The following CCNT2 variants were observed in gnomAD, a reference collection of about 807,000 sequenced individuals.
CCNT2 encodes the protein cyclin T2, also known as cyclin-T2.
Under a neutral mutation model 70.0 loss-of-function variants are expected in CCNT2, and 18 were observed. The observed-to-expected ratio is 0.26, with a 90% confidence interval of 0.18 to 0.38. The LOEUF is 0.38. CCNT2 is among the 10% of genes least tolerant of loss of function. The pLI, the probability that CCNT2 is intolerant of heterozygous loss-of-function variation, is 1.00. For synonymous variants in CCNT2, 334 were observed against 313.3 expected, an observed-to-expected ratio of 1.07 and a Z score of -0.70; for missense variants, 734 against 890.2, an observed-to-expected ratio of 0.82 and a Z score of 2.23.
chr2:134,939,770 A>G lies in CCNT2; in HGVS notation c.430+708A>G, dbSNP rs115497773. ...TGTGCGTCACCACGCCCGGCCTATCATATGATTTTTAATGTGACATAGTAA... is the reference window on the plus strand; with the variant it reads ...TGTGCGTCACCACGCCCGGCCTATCGTATGATTTTTAATGTGACATAGTAA... On this transcript the variant is annotated intron_variant, in intron 4 of 8. Transcript: ENST00000264157. Among the ~76,000 whole-genome samples, 368 of 152,294 alleles carry G rather than the reference A, an allele frequency of 2.4e-3. 1 individual carries two copies. The highest frequency in any genetic ancestry group is 8.3e-3 in the African/African-American group (346 of 41,572).
chr2:134,946,214 C>T, intron 6 of CCNT2, 68 bp downstream of exon 6: 3 of 1,522,026 alleles, frequency 2.0e-6, no homozygotes, highest in Middle Eastern at 1.7e-4. Flanking sequence ...GCAGGGCCCC[C>T]TCAATGTGTC....
chr2:134,927,572 C>T (rs1394011335), intron 2 of CCNT2, among the ~76,000 whole-genome samples: 4 of 152,114 alleles, frequency 2.6e-5, no homozygotes, highest in Non-Finnish European at 5.9e-5. Context: ...TGAGTGTTTG[C>T]ATTGGCCAAG....
intron 5 of CCNT2, chr2:134,944,950 C>A (rs1681844393): frequency 1.0e-6 from 1 of 985,208 alleles, no homozygotes; most frequent in Non-Finnish European, 1.2e-6. Context: ...AATTTGATTT[C>A]TGTGAAGTCT....
intron 5 of CCNT2, chr2:134,945,770 T>TC (rs1681914888): frequency 8.5e-6 from 10 of 1,174,496 alleles, no homozygotes; most frequent in Non-Finnish European, 1.1e-5. Flanking sequence ...TTCTTCTTCT[T>TC]TTTTTTTTAA....
chr2:134,942,542 C>A, intron 4 of CCNT2, 70 bp from the exon 5 acceptor site: 3 of 993,624 alleles, frequency 3.0e-6, no homozygotes, highest in Non-Finnish European at 4.5e-6. Flanking sequence ...ATATATTATA[C>A]GTTTATGGCA....
chr2:134,953,706 T>C lies in CCNT2; in HGVS notation c.1251T>C (p.Ser417=). 6.2e-7 allele frequency: 1 copy of C among 1,614,002 alleles called. No homozygotes were observed. The highest frequency in any genetic ancestry group is 8.5e-7 in the Non-Finnish European group (1 of 1,179,888). The change falls in exon 9 of 9, where the codon AGT becomes AGC. Residue 417 remains serine, a synonymous_variant. Transcript: ENST00000264157. ...AATATACTCATAAAGCAGGGAGCAG[T>C]AAACACCATGGGCCAATTTCCACTA... is the stretch of plus-strand genomic sequence containing the variant. ...KQEYTHKAGS[S]KHHGPISTTP...
chr2:134,946,256 A>C, intron 6 of CCNT2, 110 bp downstream of exon 6: 1 of 1,356,766 alleles, frequency 7.4e-7, no homozygotes, highest in South Asian at 1.2e-5. Context: ...AGACTGGACC[A>C]TCTACTGTGG....
chr2:134,925,776 TCTTGGGCTTATA>T (rs1450891120), intron 2 of CCNT2, among the ~76,000 whole-genome samples: 1 of 152,066 alleles, frequency 6.6e-6, no homozygotes, highest in East Asian at 1.9e-4. Flanking sequence ...TTTTGGTTTC[TCTTGGGCTTATA>T]CCCAGGAGTA....
chr2:134,919,424 C>T (rs1312403010), intron 1 of CCNT2, among the ~76,000 whole-genome samples: 2 of 152,144 alleles, frequency 1.3e-5, no homozygotes, highest in African/African-American at 4.8e-5. Context: ...TCCCGGCTCT[C>T]GTCGCCGGCT....
intron 2 of CCNT2, among the ~76,000 whole-genome samples, chr2:134,924,095 C>T (rs1680108399): frequency 6.6e-6 from 1 of 152,132 alleles, no homozygotes; most frequent in Non-Finnish European, 1.5e-5. Context: ...TGTGCTCTGT[C>T]AGGTTTTAAG....
chr2:134,935,725 CA>C (rs1359940314), intron 2 of CCNT2, among the ~76,000 whole-genome samples: 1 of 152,004 alleles, frequency 6.6e-6, no homozygotes, highest in Non-Finnish European at 1.5e-5. Context: ...GGTACATATT[CA>C]AACTTCATGT....
intron 2 of CCNT2, among the ~76,000 whole-genome samples, chr2:134,934,723 G>A (rs1212668880): frequency 6.6e-6 from 1 of 152,204 alleles, no homozygotes; most frequent in Admixed American, 6.5e-5. Flanking sequence ...TTGGGAATTA[G>A]TGTTTAGCTG....
intron 2 of CCNT2, among the ~76,000 whole-genome samples, chr2:134,921,888 A>C (rs1679936677): frequency 6.6e-6 from 1 of 152,200 alleles, no homozygotes; most frequent in Non-Finnish European, 1.5e-5. Context: ...CAGCATTTTT[A>C]CGTAGAGTCA....
At chr2:134,927,987 A>T (rs1680420684) in intron 2 of CCNT2, among the ~76,000 whole-genome samples, 1 of 152,234 alleles carries the variant, frequency 6.6e-6, no homozygotes, top group African/African-American at 2.4e-5. Context: ...AAAGAAATGG[A>T]TGAGAACTGT....
chr2:134,936,142 G>A (rs1044976098), intron 2 of CCNT2, among the ~76,000 whole-genome samples: 3 of 141,442 alleles, frequency 2.1e-5, no homozygotes, highest in Non-Finnish European at 4.6e-5. Flanking sequence ...TACTTGATCC[G>A]CTTTTCATCT....
intron 2 of CCNT2, among the ~76,000 whole-genome samples, chr2:134,933,628 G>C (rs1246620749): frequency 6.6e-6 from 1 of 152,172 alleles, no homozygotes; most frequent in African/African-American, 2.4e-5. Flanking sequence ...TCAGTGTTTG[G>C]ATATGCTTGC....
At chr2:134,931,412 T>C (rs1186873865) in intron 2 of CCNT2, among the ~76,000 whole-genome samples, 2 of 151,978 alleles carry the variant, frequency 1.3e-5, no homozygotes, top group East Asian at 3.9e-4. Flanking sequence ...TTCTGGACTC[T>C]GGATTCTATT....
intron 2 of CCNT2, among the ~76,000 whole-genome samples, chr2:134,933,435 C>G (rs1459394699): frequency 6.6e-6 from 1 of 152,002 alleles, no homozygotes; most frequent in Non-Finnish European, 1.5e-5. Context: ...TGAAGAATAT[C>G]AGCAGTAAGG....
Position 134,954,528 on chromosome 2 carries a change from A to C in CCNT2, c.2073A>C (p.Pro691=), listed in dbSNP as rs752142950. ...LSTLVKLDKK[P]VETNGPDANH... is the part of the protein sequence containing the mutation. ...CCCTCGTGAAACTGGACAAGAAGCC[A>C]GTGGAGACCAACGGTCCTGATGCCA... The change falls in exon 9 of 9, where the codon CCA becomes CCC. Residue 691 remains proline (P), a synonymous_variant. Transcript: ENST00000264157. 1.1e-5 allele frequency: 18 copies of C among 1,614,164 alleles called. 1 individual carries two copies. The South Asian group carries it at 2.0e-4, about 18-fold the overall frequency.
Sources: allele counts gnomAD v4.1 joint callset (sites outside exome capture counted in the v4.1 genomes callset), GRCh38; gene constraint gnomAD v4.1.1; transcripts MANE v1.5; gene names NCBI Gene and HGNC (gene_info 2026-07-23, HGNC 2026-07-21).